RIN3: variants seen among roughly 807,000 people sequenced by gnomAD.
The protein encoded by RIN3 is RAB5 interacting protein 3.
RIN3 carries 54 observed loss-of-function variants against 76.3 expected under a neutral mutation model. The ratio of observed to expected loss-of-function variants is 0.71; its 90% CI spans 0.57 to 0.89. The LOEUF (loss-of-function observed/expected upper bound fraction) is 0.89. Among genes scored for constraint, RIN3 ranks in the 40% least tolerant of loss-of-function variants. The pLI is 0.00. For synonymous variants in RIN3, 576 were observed against 564.0 expected (o/e 1.02, Z -0.30); for missense variants, 1,256 against 1,322.1 (o/e 0.95, Z 0.78).
chr14:92,560,112 G>C (rs573457069), intron 2 of RIN3, among the ~76,000 whole-genome samples: 1 of 152,300 alleles, frequency 6.6e-6, no homozygotes, highest in South Asian at 2.1e-4. Flanking sequence ...AAGGCCTTAG[G>C]CCTTAATCCC....
chr14:92,515,853 G>T (rs1304839933), intron 1 of RIN3, among the ~76,000 whole-genome samples: 1 of 152,200 alleles, frequency 6.6e-6, no homozygotes, highest in Non-Finnish European at 1.5e-5. Flanking sequence ...GCTAAAACAT[G>T]GCTTTGTTTT....
chr14:92,535,344 T>G (rs1366493771), intron 1 of RIN3, among the ~76,000 whole-genome samples: 1 of 150,452 alleles, frequency 6.6e-6, no homozygotes, highest in African/African-American at 2.4e-5. Context: ...CTTTTTTTTT[T>G]TTTTTTTGAG....
Position 92,688,138 on chromosome 14 carries a change from G to A in RIN3, c.2844G>A (p.Leu948=). The A allele has an allele frequency of 6.2e-7, 1 of 1,610,238 alleles. No individual in the cohort carries two copies. Among genetic ancestry groups the A allele is most frequent in the South Asian group, 1.1e-5 (1 of 90,946 alleles). Residue 948 remains leucine, a synonymous_variant, in exon 10 of 10, where the codon CTG becomes CTA. Coordinates refer to ENST00000216487, the MANE Select transcript of RIN3 (RefSeq NM_024832.5). ...CGCACTGCATCAAGGGCTACCTGCT[G>A]CGCAGCGAGCCCAAGCGCGACTTCC... is the stretch of plus-strand genomic sequence containing the variant. The part of the protein sequence containing the change: ...ALPHCIKGYL[L]RSEPKRDFHF...
At chr14:92,522,668 G>A (rs978925181) in intron 1 of RIN3, among the ~76,000 whole-genome samples, 2 of 152,096 alleles carry the variant, frequency 1.3e-5, no homozygotes, top group African/African-American at 4.8e-5. Flanking sequence ...TGGATCTAGG[G>A]TTTAGGGACC....
chr14:92,642,210 C>T (rs1887042486), intron 5 of RIN3, among the ~76,000 whole-genome samples: 1 of 152,012 alleles, frequency 6.6e-6, no homozygotes, highest in Non-Finnish European at 1.5e-5. Flanking sequence ...TCAGGTGATC[C>T]TCCCACCTCC....
chr14:92,606,908 A>C (rs1359715363), intron 3 of RIN3, among the ~76,000 whole-genome samples: 1 of 113,076 alleles, frequency 8.8e-6, no homozygotes. Flanking sequence ...ACCCAAGAGA[A>C]GTAAAAACAT....
chr14:92,529,856 C>G (rs1319360640), intron 1 of RIN3, among the ~76,000 whole-genome samples: 1 of 152,156 alleles, frequency 6.6e-6, no homozygotes, highest in Non-Finnish European at 1.5e-5. Context: ...AAGCCTTATT[C>G]AGGCATGAGT....
intron 4 of RIN3, among the ~76,000 whole-genome samples, chr14:92,622,753 G>C (rs927033859): frequency 3.9e-5 from 6 of 152,158 alleles, no homozygotes; most frequent in Non-Finnish European, 5.9e-5. Flanking sequence ...GGGGTGTTTG[G>C]GCACAGCAGA....
intron 3 of RIN3, among the ~76,000 whole-genome samples, chr14:92,598,245 G>A (rs1352297419): frequency 6.6e-6 from 1 of 152,158 alleles, no homozygotes; most frequent in African/African-American, 2.4e-5. Flanking sequence ...AGGAGGGAGA[G>A]AGGCCCAAGA....
At position 92,674,051 on chromosome 14, in the gene RIN3, G is replaced by A. The variant is rs150668222; in HGVS notation, c.2336-2424G>A. ...AGAGGCTATTTTGATAAACACATAT[G>A]GGGCACGCAGTTTTCCTTTTGCCTC... On this transcript the variant is annotated intron_variant, in intron 7 of 9. Transcript: ENST00000216487. Among the ~76,000 whole-genome samples the A allele has an allele frequency of 7.2e-5, 11 of 152,080 alleles. No individual in the cohort carries two copies. In the East Asian group the frequency reaches 1.9e-3, roughly 27 times the overall value.
intron 3 of RIN3, among the ~76,000 whole-genome samples, chr14:92,577,802 A>T (rs1160245312): frequency 1.3e-5 from 2 of 152,220 alleles, no homozygotes; most frequent in African/African-American, 4.8e-5. Flanking sequence ...TGCACCCTTG[A>T]GTCCTAGTGT....
chr14:92,612,173 C>T (rs544755296), intron 3 of RIN3, among the ~76,000 whole-genome samples: 5 of 152,272 alleles, frequency 3.3e-5, no homozygotes, highest in African/African-American at 1.2e-4. Flanking sequence ...AGATCCAAAC[C>T]ATATCACCTG....
intron 4 of RIN3, among the ~76,000 whole-genome samples, chr14:92,635,263 A>G (rs1886733735): frequency 6.6e-6 from 1 of 152,170 alleles, no homozygotes. Flanking sequence ...CAAACTGGGC[A>G]ATTTGCCCAG....
intron 4 of RIN3, among the ~76,000 whole-genome samples, chr14:92,622,434 C>T (rs1467215057): frequency 6.6e-6 from 1 of 152,230 alleles, no homozygotes; most frequent in Non-Finnish European, 1.5e-5. Context: ...TCCCATCCTT[C>T]CTGTTCTGTT....
chr14:92,515,663 G>A (rs990879518), intron 1 of RIN3, among the ~76,000 whole-genome samples: 5 of 152,094 alleles, frequency 3.3e-5, no homozygotes, highest in Non-Finnish European at 5.9e-5. Context: ...CAAATGACCC[G>A]GCCCCTGCCT....
intron 4 of RIN3, chr14:92,615,680 C>T (rs965910280): frequency 1.0e-5 from 6 of 576,804 alleles, no homozygotes; most frequent in African/African-American, 1.9e-5. Flanking sequence ...TGATAAGAGC[C>T]CCTCCCTTCC....
chr14:92,544,709 C>CT (rs202155510), intron 1 of RIN3, among the ~76,000 whole-genome samples: 12 of 117,074 alleles, frequency 1.0e-4, no homozygotes, highest in African/African-American at 2.6e-4. Flanking sequence ...TACATGAGAG[C>CT]TTTTTTTTTT....
In RIN3 at chr14:92,664,584, A is replaced by G. The variant is rs59002737; in HGVS notation, c.2335+5115A>G. Among the ~76,000 whole-genome samples the G allele has an allele frequency of 6.2e-3, 937 of 150,880 alleles. 12 individuals carry two copies. Among genetic ancestry groups the G allele is most frequent in the African/African-American group, 0.022 (892 of 41,056 alleles). ...ACGGGGTTTCACCGTGTTGCCCAGG[A>G]TGGTCTCGATCTCCTGACCTCGTGT... On this transcript the variant is annotated intron_variant, in intron 7 of 9. Coordinates refer to ENST00000216487, the MANE Select transcript of RIN3 (RefSeq NM_024832.5).
rs1896389545 is a variant in RIN3, at chr14:92,514,666, T to C, written c.44+690T>C. On this transcript the variant is annotated intron_variant, in intron 1 of 9. Transcript: ENST00000216487. This position sits in a 1 kb window ranked among gnomAD's most constrained non-coding sequence, Gnocchi z 7.2. ...GACGCCGAATGGTTTGGGAACTGAC[T>C]TGGAGAGGAGTCCCCGGTGGCTAAG... 6.6e-6 allele frequency among the ~76,000 whole-genome samples: 1 copy of C among 152,182 alleles called. No individual in the cohort carries two copies. The highest frequency in any genetic ancestry group is 1.5e-5 in the Non-Finnish European group (1 of 68,026).
Sources: gnomAD v4.1 joint callset for allele counts (sites outside exome capture counted in the v4.1 genomes callset) on GRCh38, gnomAD v4.1.1 for gene constraint, Gnocchi (gnomAD v3.1) non-coding constraint, MANE v1.5 for transcripts, NCBI Gene and HGNC (gene_info 2026-07-23, HGNC 2026-07-21) for gene names.